Variants in PSMG2 observed in about 807,000 individuals in gnomAD.
The protein encoded by PSMG2 is CD40 ligand-activated specific transcript 3.
In PSMG2, 21 loss-of-function variants were observed where a neutral mutation model predicts 31.5. The ratio of observed to expected loss-of-function variants is 0.67; its 90% CI spans 0.47 to 0.96. The LOEUF (loss-of-function observed/expected upper bound fraction) is 0.96. Among genes scored for constraint, PSMG2 ranks in the 40% least tolerant of loss-of-function variants. The probability of loss-of-function intolerance (pLI) is 0.00; values close to 1 mark genes in which losing one functional copy is unlikely to be tolerated. For missense variants in PSMG2, 318 were observed against 321.2 expected, an observed-to-expected ratio of 0.99 and a Z score of 0.08; for synonymous variants, 120 against 110.4, an observed-to-expected ratio of 1.09 and a Z score of -0.54.
In PSMG2 at chr18:12,703,053, G is replaced by T. The variant is rs868758806; in HGVS notation, c.-55G>T. The T allele has an allele frequency of 2.5e-5, 39 of 1,584,640 alleles. 1 individual carries two copies. In the Middle Eastern group the frequency reaches 5.0e-3, roughly 203 times the overall value. ...GGTCTCGGGCTTCCGCCTTCTTGCT[G>T]CCCTCGTTCTTGCCAGGGCCGCGGT... is the stretch of plus-strand genomic sequence containing the variant. On this transcript the variant is annotated 5_prime_UTR_variant, in exon 1 of 7. Coordinates refer to ENST00000317615, the MANE Select transcript of PSMG2 (RefSeq NM_020232.5).
chr18:12,659,376 A>G (rs2038648112), intron 1 of PSMG2, among the ~76,000 whole-genome samples: 1 of 152,152 alleles, frequency 6.6e-6, no homozygotes, highest in Non-Finnish European at 1.5e-5. Context: ...AAATTAAGAA[A>G]TTGAAAGAGG....
chr18:12,711,145 T>C (rs35864675), intron 2 of PSMG2, among the ~76,000 whole-genome samples: 13,602 of 151,900 alleles, frequency 0.09, 854 homozygotes, highest in Non-Finnish European at 0.13. Flanking sequence ...GGTGGTGTGC[T>C]CCTGTAATCC....
chr18:12,662,263 A>C (rs1010538451), intron 1 of PSMG2: 1 of 422,392 alleles, frequency 2.4e-6, no homozygotes, highest in Non-Finnish European at 4.7e-6. Context: ...AATACCTTAT[A>C]CATCTGTAGT....
At chr18:12,670,370 A>G (rs1484139088) in intron 1 of PSMG2, 2 of 152,212 alleles carry the variant, frequency 1.3e-5, no homozygotes, top group African/African-American at 2.4e-5. Flanking sequence ...CTAGTGGTAA[A>G]TGCACTGAAA....
At chr18:12,680,359 G>A (rs2039301253) in intron 1 of PSMG2, among the ~76,000 whole-genome samples, 1 of 152,168 alleles carries the variant, frequency 6.6e-6, no homozygotes, top group African/African-American at 2.4e-5. Flanking sequence ...ACTTTGGGAG[G>A]CTGAGGTAGG....
intron 6 of PSMG2, 21 bp from the exon 7 acceptor site, chr18:12,725,418 T>C: frequency 2.0e-6 from 3 of 1,514,552 alleles, no homozygotes; most frequent in Non-Finnish European, 2.7e-6. Context: ...AAGATTAAAA[T>C]ATTTTGTTCT....
In PSMG2 at chr18:12,671,638, CTTTCTTTTT is replaced by C. The variant is rs1254221754; in HGVS notation, c.-37+12869_-37+12877del. 3.5e-3 allele frequency among the ~76,000 whole-genome samples: 287 copies of C among 82,938 alleles called. 1 individual carries two copies. The highest frequency in any genetic ancestry group is 0.011 in the African/African-American group (270 of 25,272). The allele number at this position is 82,938 out of a possible 152,430, so 54.4% of individuals were successfully genotyped here. On this transcript the variant is annotated intron_variant, in intron 1 of 6. Transcript: ENST00000585331. ...ATAAGTTGAGGAATCAGGTTTCACA[CTTTCTTTTT>C]TTTTTTTTTTTTTTTTTTTGAGACA...
chr18:12,711,221 G>A (rs973518799), intron 2 of PSMG2, among the ~76,000 whole-genome samples: 10 of 152,066 alleles, frequency 6.6e-5, no homozygotes, highest in African/African-American at 2.2e-4. Flanking sequence ...GGAGTGAGCC[G>A]ATATCGCACC....
chr18:12,684,897 T>C (rs1568019678), intron 1 of PSMG2: 1 of 152,212 alleles, frequency 6.6e-6, no homozygotes, highest in African/African-American at 2.4e-5. Flanking sequence ...TCAAAAAGTG[T>C]AATTAAATAT....
chr18:12,703,875 T>C (rs968085687), intron 1 of PSMG2, among the ~76,000 whole-genome samples: 2 of 152,104 alleles, frequency 1.3e-5, no homozygotes, highest in Non-Finnish European at 2.9e-5. Context: ...TTCAGAAAGA[T>C]GGATGTCTAA....
intron 5 of PSMG2, among the ~76,000 whole-genome samples, chr18:12,721,135 G>C (rs1052163967): frequency 1.3e-5 from 2 of 152,098 alleles, no homozygotes; most frequent in African/African-American, 4.8e-5. Context: ...AGCCGAGATC[G>C]CGCCACTGCA....
intron 1 of PSMG2, 80 bp from the exon 2 acceptor site, chr18:12,706,470 G>C: frequency 8.8e-6 from 13 of 1,469,384 alleles, no homozygotes; most frequent in Non-Finnish European, 1.2e-5. Context: ...CTGGGAGACA[G>C]AGGCAGACTC....
chr18:12,697,506 TA>T (rs2039998219), intron 1 of PSMG2: 3 of 837,624 alleles, frequency 3.6e-6, no homozygotes, highest in Non-Finnish European at 5.3e-6. Context: ...TAAGCTTATA[TA>T]AAACCAAAGA....
chr18:12,686,067 A>G, intron 1 of PSMG2: 1 of 468,542 alleles, frequency 2.1e-6, no homozygotes, highest in Non-Finnish European at 3.8e-6. Context: ...AATTTGTACT[A>G]TTTTTTATTA....
At chr18:12,712,036 C>T (rs1365414725) in intron 2 of PSMG2, among the ~76,000 whole-genome samples, 1 of 152,130 alleles carries the variant, frequency 6.6e-6, no homozygotes, top group Non-Finnish European at 1.5e-5. Flanking sequence ...GGATTACAGG[C>T]GTGAGCCACC....
chr18:12,686,239 A>G, intron 1 of PSMG2: 1 of 1,579,606 alleles, frequency 6.3e-7, no homozygotes, highest in African/African-American at 1.4e-5. Context: ...CTGCTACTTA[A>G]TTCTATTATG....
In PSMG2 at chr18:12,695,265, C is replaced by A; in HGVS notation, c.-36-11285C>A. On this transcript the variant is annotated intron_variant, in intron 1 of 6. Transcript: ENST00000585331. ...TCATAAGTATTTACCTGTGTGTTCA[C>A]TACTTCTTGAGATAACGTTTGATTG... 1.3e-6 allele frequency: 2 copies of A among 1,484,752 alleles called. No individual in the cohort carries two copies. Among genetic ancestry groups the A allele is most frequent in the Middle Eastern group, 1.8e-4 (1 of 5,528 alleles). The allele number at this position is 1,484,752 out of a possible 1,614,324, so 92.0% of individuals were successfully genotyped here.
intron 3 of PSMG2, among the ~76,000 whole-genome samples, chr18:12,715,781 C>G (rs1366425440): frequency 6.6e-6 from 1 of 152,238 alleles, no homozygotes; most frequent in Non-Finnish European, 1.5e-5. Context: ...GCTGGGATTA[C>G]AGGCGTGAGC....
chr18:12,674,168 G>A (rs1254603197), intron 1 of PSMG2, among the ~76,000 whole-genome samples: 5 of 151,986 alleles, frequency 3.3e-5, no homozygotes, highest in Admixed American at 1.3e-4. Context: ...TGGGTGCAAC[G>A]GCTCACACCT....
Sources: allele counts gnomAD v4.1 joint callset (sites outside exome capture counted in the v4.1 genomes callset), GRCh38; gene constraint gnomAD v4.1.1; transcripts MANE v1.5; gene names NCBI Gene and HGNC (gene_info 2026-07-23, HGNC 2026-07-21).